KLK5: variants seen among roughly 807,000 people sequenced by gnomAD.
KLK5 encodes kallikrein related peptidase 5.
A neutral mutation model predicts 24.0 loss-of-function variants in KLK5; 18 were observed. The ratio of observed to expected loss-of-function variants is 0.75; its 90% CI spans 0.52 to 1.11. KLK5 has a LOEUF of 1.11. Among genes scored for constraint, KLK5 ranks in the 50% most tolerant of loss-of-function variants. The pLI is 0.00. For missense variants in KLK5, 374 were observed against 379.2 expected (o/e 0.99, Z 0.11); for synonymous variants, 140 against 154.0 (o/e 0.91, Z 0.67).
chr19:50,946,653 G>A (rs945738640), intron 5 of KLK5, among the ~76,000 whole-genome samples: 2 of 151,670 alleles, frequency 1.3e-5, no homozygotes, highest in Non-Finnish European at 2.9e-5. Flanking sequence ...TCCGCCTCCC[G>A]GGTTCAGGCC....
At chr19:50,946,894 C>T (rs181274545) in intron 5 of KLK5, among the ~76,000 whole-genome samples, 43 of 152,180 alleles carry the variant, frequency 2.8e-4, no homozygotes, top group East Asian at 2.3e-3. Context: ...TTTTCCCCCT[C>T]GCAACCCACC....
intron 2 of KLK5, among the ~76,000 whole-genome samples, chr19:50,952,194 C>A (rs1365673746): frequency 2.0e-5 from 1 of 49,944 alleles, no homozygotes; most frequent in South Asian, 6.8e-4. Flanking sequence ...CTGCAGATAC[C>A]TGCAGTCATA....
rs2090606781 is a variant in KLK5 at position 50,943,592 on chromosome 19, A to G, written c.*39T>C. On this transcript the variant is annotated 3_prime_UTR_variant, in exon 6 of 6. Coordinates refer to ENST00000336334, the MANE Select transcript of KLK5 (RefSeq NM_012427.5). ...AAAGGAGTGTCAGGGCTGTCCCTGC[A>G]GCAGGTGGGGATGCCGGTGTGCTGA... is the stretch of plus-strand genomic sequence containing the variant. 6.3e-7 allele frequency: 1 copy of G among 1,588,584 alleles called. No homozygotes were observed. Among genetic ancestry groups the G allele is most frequent in the Non-Finnish European group, 8.6e-7 (1 of 1,159,694 alleles).
intron 2 of KLK5, 113 bp from the exon 3 acceptor site, chr19:50,950,229 G>A (rs1009612639): frequency 4.2e-6 from 4 of 944,462 alleles, no homozygotes; most frequent in African/African-American, 3.2e-5. Context: ...CATGCTGAGG[G>A]GGCAGGGGCA....
intron 5 of KLK5, among the ~76,000 whole-genome samples, chr19:50,946,807 C>T (rs1359278617): frequency 2.0e-5 from 3 of 152,132 alleles, no homozygotes; most frequent in Non-Finnish European, 2.9e-5. Flanking sequence ...GATCCACCCG[C>T]CTCGGCCTCC....
At chr19:50,951,192 C>T (rs767591189) in intron 2 of KLK5, among the ~76,000 whole-genome samples, 2 of 152,154 alleles carry the variant, frequency 1.3e-5, no homozygotes, top group Non-Finnish European at 2.9e-5. Flanking sequence ...CCTCCTCTCA[C>T]ACACAGACCT....
intron 5 of KLK5, among the ~76,000 whole-genome samples, chr19:50,946,734 T>C (rs2090638943): frequency 1.3e-5 from 2 of 151,974 alleles, no homozygotes; most frequent in South Asian, 2.1e-4. Context: ...TAATTTTTTG[T>C]GTTTTTAGTA....
At chr19:50,946,611 G>C (rs185223207) in intron 5 of KLK5, among the ~76,000 whole-genome samples, 3 of 151,782 alleles carry the variant, frequency 2.0e-5, no homozygotes, top group Non-Finnish European at 4.4e-5. Flanking sequence ...CCAGGCTGGA[G>C]TGCAGTGGTG....
intron 2 of KLK5, among the ~76,000 whole-genome samples, chr19:50,951,109 A>G (rs983157525): frequency 8.5e-5 from 13 of 152,066 alleles, no homozygotes; most frequent in Non-Finnish European, 1.6e-4. Context: ...TTAGGGGGCC[A>G]CATGGAGGGG....
Position 50,950,344 on chromosome 19 carries a change from C to T in KLK5, c.74-228G>A. 1.7e-5 allele frequency: 10 copies of T among 584,256 alleles called. No individual in the cohort carries two copies. In the South Asian group the frequency reaches 1.8e-4, roughly 11 times the overall value. 36.2% of individuals were successfully genotyped at this position (584,256 alleles called of 1,614,324 possible). On this transcript the variant is annotated intron_variant, in intron 2 of 5. Transcript: ENST00000336334. ...GGACTCTAACTGGACCTCACAGATTCCTGGAATTGGCTAGAACTACATGTG... is the reference window on the plus strand; with the variant it reads ...GGACTCTAACTGGACCTCACAGATTTCTGGAATTGGCTAGAACTACATGTG...
Position 50,950,112 on chromosome 19 carries a change from A to G in KLK5, c.78T>C (p.His26=), listed in dbSNP as rs1211733431. ...ITALLLGVTE[H]VLANNDVSCD... Reference sequence around the variant, plus strand: ...AGGAAACATCATTGTTGGCGAGAACATGCTCTGGGAACGGAAAATGGGTTG... The same window carrying G: ...AGGAAACATCATTGTTGGCGAGAACGTGCTCTGGGAACGGAAAATGGGTTG... Residue 26 remains histidine, a synonymous_variant, in exon 3 of 6, where the codon CAT becomes CAC. Coordinates refer to ENST00000336334, the MANE Select transcript of KLK5 (RefSeq NM_012427.5). 1.3e-6 allele frequency: 2 copies of G among 1,553,162 alleles called. No individual in the cohort carries two copies. The highest frequency in any genetic ancestry group is 1.7e-5 in the Admixed American group (1 of 58,270).
chr19:50,952,931 C>G lies in KLK5; in HGVS notation c.-196G>C, dbSNP rs997144322. 1.4e-4 allele frequency: 45 copies of G among 318,160 alleles called. No individual in the cohort carries two copies. The highest frequency in any genetic ancestry group is 4.0e-5 in the Non-Finnish European group (7 of 174,442). 19.7% of individuals were successfully genotyped at this position (318,160 alleles called of 1,614,324 possible). On this transcript the variant is annotated 5_prime_UTR_variant, in exon 1 of 6. Coordinates refer to ENST00000336334, the MANE Select transcript of KLK5 (RefSeq NM_012427.5). ...CTCCTTCCCTGCCTGCTGAGCCACC[C>G]TCACCAGGTCTCACTTGCCCTGTCC...
intron 2 of KLK5, among the ~76,000 whole-genome samples, chr19:50,951,790 T>C (rs778580139): frequency 7.2e-5 from 11 of 152,154 alleles, no homozygotes; most frequent in Admixed American, 2.0e-4. Flanking sequence ...AGTGTCTCAG[T>C]GCCACGCACA....
intron 5 of KLK5, among the ~76,000 whole-genome samples, chr19:50,948,121 TG>T (rs1659560419): frequency 7.2e-6 from 1 of 138,598 alleles, no homozygotes; most frequent in African/African-American, 3.3e-5. Flanking sequence ...CTTTTTTACT[TG>T]TTTTTTTTTT....
Position 50,943,693 on chromosome 19 carries a change from C to T in KLK5, c.820G>A (p.Val274Ile), listed in dbSNP as rs529687425. Residue 274 changes from valine (V) to isoleucine (I), a missense_variant, in exon 6 of 6, where the codon GTC becomes ATC. Transcript: ENST00000336334. The part of the protein sequence containing the change: ...YPCARPNRPG[V>I]YTNLCKFTKW... Reference sequence around the variant, plus strand: ...GTGAACTTGCAGAGGTTCGTGTAGACACCCGGTCTGTTGGGCCGGGCACAA... The same window carrying T: ...GTGAACTTGCAGAGGTTCGTGTAGATACCCGGTCTGTTGGGCCGGGCACAA... 19 of 1,613,820 alleles carry T rather than the reference C, an allele frequency of 1.2e-5. 2 individuals are homozygous for T. In the South Asian group the frequency reaches 2.0e-4, roughly 17 times the overall value.
chr19:50,944,963 TTTTCTTTCTTC>T (rs2090617745), intron 5 of KLK5, among the ~76,000 whole-genome samples: 1 of 151,940 alleles, frequency 6.6e-6, no homozygotes, highest in South Asian at 2.1e-4. Flanking sequence ...TTCCTCTCTC[TTTTCTTTCTTC>T]TTTCTTTCTT....
chr19:50,945,328 T>G (rs2090622805), intron 5 of KLK5, among the ~76,000 whole-genome samples: 1 of 151,210 alleles, frequency 6.6e-6, no homozygotes, highest in Non-Finnish European at 1.5e-5. Flanking sequence ...ATTGCCTGTC[T>G]TCCACTTGGG....
In KLK5 at chr19:50,952,635, C is replaced by A. The variant is rs1390177367; in HGVS notation, c.23G>T (p.Trp8Leu). The A allele has an allele frequency of 7.5e-6, 12 of 1,603,406 alleles. No homozygotes were observed. The highest frequency in any genetic ancestry group is 1.0e-5 in the Non-Finnish European group (12 of 1,174,980). Residue 8 changes from tryptophan to leucine, a missense_variant, in exon 2 of 6, where the codon TGG becomes TTG. Transcript: ENST00000336334. Reference sequence around the variant, plus strand: ...GATCAGAGCACAGAGCACCCACATCCAGGGGGGTCTTGCTGTAGCCATGGC... The same window carrying A: ...GATCAGAGCACAGAGCACCCACATCAAGGGGGGTCTTGCTGTAGCCATGGC... MATARPPWMWVLCALITA... is the reference protein window; with the variant it reads MATARPPLMWVLCALITA...
intron 5 of KLK5, among the ~76,000 whole-genome samples, chr19:50,944,493 A>C: frequency 1.4e-5 from 2 of 146,802 alleles, no homozygotes; most frequent in Non-Finnish European, 1.5e-5. Flanking sequence ...TTTCTCTCTC[A>C]CTCTCCCCTC....
Sources: allele counts gnomAD v4.1 joint callset (sites outside exome capture counted in the v4.1 genomes callset), GRCh38; gene constraint gnomAD v4.1.1; transcripts MANE v1.5; gene names NCBI Gene and HGNC (gene_info 2026-07-23, HGNC 2026-07-21).